RNF149: variants seen among roughly 807,000 people sequenced by gnomAD.
RNF149 encodes ring finger protein 149.
Under a neutral mutation model 39.0 loss-of-function variants are expected in RNF149, and 21 were observed. The ratio of observed to expected loss-of-function variants is 0.54; its 90% CI spans 0.38 to 0.77. The LOEUF is 0.77. Among genes scored for constraint, RNF149 ranks in the 30% least tolerant of loss-of-function variants. RNF149 has a pLI of 0.00. For missense variants in RNF149, 493 were observed against 534.9 expected (o/e 0.92, Z 0.77); for synonymous variants, 209 against 213.6 (o/e 0.98, Z 0.19).
chr2:101,299,633 G>C lies in RNF149; in HGVS notation c.461-4452C>G, dbSNP rs115665263. On this transcript the variant is annotated intron_variant, in intron 1 of 6. Transcript: ENST00000295317. Reference sequence around the variant, plus strand: ...AAAGTAGAAAGAATAGTACAACGAAGTCTCATGTTCCCACCTCAGTTAAAA... The same window carrying C: ...AAAGTAGAAAGAATAGTACAACGAACTCTCATGTTCCCACCTCAGTTAAAA... Among the ~76,000 whole-genome samples, 949 of 152,288 alleles carry C rather than the reference G, an allele frequency of 6.2e-3. 4 individuals carry two copies. Among genetic ancestry groups the C allele is most frequent in the African/African-American group, 0.022 (906 of 41,554 alleles).
chr2:101,277,685 G>A (rs942782460), intron 6 of RNF149, among the ~76,000 whole-genome samples: 5 of 152,020 alleles, frequency 3.3e-5, no homozygotes, highest in Non-Finnish European at 7.4e-5. Context: ...CACCGCGCCC[G>A]GCTAACAGAA....
intron 6 of RNF149, among the ~76,000 whole-genome samples, chr2:101,279,277 TATTTCTACCCATGATTTCATG>T (rs1682482191): frequency 2.0e-5 from 3 of 152,352 alleles, no homozygotes; most frequent in South Asian, 2.1e-4. Flanking sequence ...CCACCTTCTT[TATTTCTACCCATGATTTCATG>T]ATTTCTACCC....
chr2:101,294,406 C>G (rs947091812), intron 2 of RNF149: 1 of 245,844 alleles, frequency 4.1e-6, no homozygotes, highest in Non-Finnish European at 7.9e-6. Flanking sequence ...TAAATATTGT[C>G]AAGAAAGTAA....
intron 3 of RNF149, 50 bp from the exon 4 acceptor site, chr2:101,289,105 C>G: frequency 9.3e-7 from 1 of 1,070,560 alleles, no homozygotes; most frequent in Non-Finnish European, 1.4e-6. Context: ...CACAGTATAT[C>G]CCTTGGTAAA....
In RNF149 at chr2:101,288,979, G is replaced by A; in HGVS notation, c.857C>T (p.Pro286Leu). ...FKVKDIIRILPCKHIFHRICI... is the reference protein window; with the variant it reads ...FKVKDIIRILLCKHIFHRICI... Reference sequence around the variant, plus strand: ...ATATGTAAAAAGAACATACTTGCATGGCAGAATTCTAATAATATCCTTTAC... The same window carrying A: ...ATATGTAAAAAGAACATACTTGCATAGCAGAATTCTAATAATATCCTTTAC... Residue 286 changes from proline (P) to leucine (L), a missense_variant, in exon 4 of 7, where the codon CCA (proline) becomes CTA (leucine). By Grantham distance (98) the Pro-to-Leu change is moderately conservative. Transcript: ENST00000295317. The A allele has an allele frequency of 1.3e-6, 2 of 1,522,964 alleles. No individual in the cohort carries two copies. Among genetic ancestry groups the A allele is most frequent in the Non-Finnish European group, 1.8e-6 (2 of 1,100,360 alleles). The allele number at this position is 1,522,964 out of a possible 1,614,324, so 94.3% of individuals were successfully genotyped here.
At chr2:101,305,441 G>A (rs528554721) in intron 1 of RNF149, among the ~76,000 whole-genome samples, 1 of 152,248 alleles carries the variant, frequency 6.6e-6, no homozygotes, top group South Asian at 2.1e-4. Flanking sequence ...CAGTCTAAGT[G>A]GATTCTGTTT....
Position 101,308,428 on chromosome 2 carries a change from G to A in RNF149, c.161C>T (p.Thr54Met), listed in dbSNP as rs763678069. 2.5e-6 allele frequency: 4 copies of A among 1,611,518 alleles called. No individual in the cohort carries two copies. The highest frequency in any genetic ancestry group is 3.4e-6 in the Non-Finnish European group (4 of 1,179,356). ...GCCACTCTCCGAGACGCTCCACACC[G>A]TCAGGTTGGTCTGCGGGTCCACGTA... ...IEYVDPQTNLTVWSVSESGRF... is the reference protein window; with the variant it reads ...IEYVDPQTNLMVWSVSESGRF... Residue 54 changes from threonine (T) to methionine (M), a missense_variant, in exon 1 of 7, where the codon ACG (threonine) becomes ATG (methionine). By Grantham distance (81) the Thr-to-Met change is moderately conservative (BLOSUM62 -1). Transcript: ENST00000295317.
chr2:101,296,971 G>A (rs1225217876), intron 1 of RNF149, among the ~76,000 whole-genome samples: 1 of 152,204 alleles, frequency 6.6e-6, no homozygotes, highest in African/African-American at 2.4e-5. Context: ...CACTTTGGGA[G>A]GCTGAGGCGG....
chr2:101,308,271 G>C lies in RNF149; in HGVS notation c.318C>G (p.Ala106=). The C allele has an allele frequency of 6.3e-7, 1 of 1,577,926 alleles. No homozygotes were observed. Among genetic ancestry groups the C allele is most frequent in the Non-Finnish European group, 8.6e-7 (1 of 1,164,268 alleles). Reference sequence around the variant, plus strand: ...GAGCCACCAGGGCGACCCAGGGCGCGGCCCCTCGGCCGCCGGGCTCGGGCA... The same window carrying C: ...GAGCCACCAGGGCGACCCAGGGCGCCGCCCCTCGGCCGCCGGGCTCGGGCA... The part of the protein sequence containing the change: ...FFVPEPGGRG[A]APWVALVARG... The change falls in exon 1 of 7, where the codon GCC becomes GCG. Residue 106 remains alanine (A), a synonymous_variant. Coordinates refer to ENST00000295317, the MANE Select transcript of RNF149 (RefSeq NM_173647.4).
At chr2:101,277,881 T>C (rs779125400) in intron 6 of RNF149, among the ~76,000 whole-genome samples, 1 of 152,034 alleles carries the variant, frequency 6.6e-6, no homozygotes, top group African/African-American at 2.4e-5. Context: ...TTCCCAAAAG[T>C]TGAACAAGTA....
At chr2:101,281,575 C>G in intron 6 of RNF149, 1 of 378,064 alleles carries the variant, frequency 2.6e-6, no homozygotes, top group Non-Finnish European at 4.9e-6. Context: ...GATCATAGCT[C>G]ACTGCAGCCT....
chr2:101,305,061 A>T (rs1683603906), intron 1 of RNF149, among the ~76,000 whole-genome samples: 1 of 151,856 alleles, frequency 6.6e-6, no homozygotes, highest in Non-Finnish European at 1.5e-5. Flanking sequence ...GGCTGGTCTC[A>T]ATTTCTTGAC....
downstream of RNF149, chr2:101,273,468 ATT>A: frequency 1.4e-5 from 5 of 363,082 alleles, 1 homozygote; most frequent in Admixed American, 1.9e-4. Flanking sequence ...CTCTTGTAAT[ATT>A]TGTTTCTTTT....
intron 3 of RNF149, among the ~76,000 whole-genome samples, chr2:101,290,875 T>C (rs1254935086): frequency 8.7e-6 from 1 of 114,546 alleles, no homozygotes; most frequent in South Asian, 2.8e-4. Flanking sequence ...GGCTAACCCC[T>C]GGATCTACAC....
intron 1 of RNF149, 143 bp downstream of exon 1, chr2:101,307,986 G>A (rs1683742366): frequency 1.7e-5 from 24 of 1,434,808 alleles, no homozygotes; most frequent in East Asian, 2.7e-5. Flanking sequence ...GCAAACGAGG[G>A]CTTCCCTGAA....
intron 3 of RNF149, among the ~76,000 whole-genome samples, chr2:101,293,235 C>T (rs1307966858): frequency 6.6e-6 from 1 of 151,982 alleles, no homozygotes; most frequent in Admixed American, 6.6e-5. Flanking sequence ...TGCATGTACT[C>T]TTTCTTTCTG....
In RNF149 at chr2:101,281,980, T is replaced by G. The variant is rs1401096713; in HGVS notation, c.1038A>C (p.Leu346=). 6.2e-7 allele frequency: 1 copy of G among 1,613,960 alleles called. No homozygotes were observed. The highest frequency in any genetic ancestry group is 1.3e-5 in the African/African-American group (1 of 74,890). Reference sequence around the variant, plus strand: ...CACTTCCGTCATCATCTGGTAAAGCTAGACTCAAATTTGCAGCTGGATCCC... The same window carrying G: ...CACTTCCGTCATCATCTGGTAAAGCGAGACTCAAATTTGCAGCTGGATCCC... The part of the protein sequence containing the change: ...PGRDPAANLS[L]ALPDDDGSDD... Residue 346 remains leucine (L), a synonymous_variant, in exon 6 of 7, where the codon CTA becomes CTC. Coordinates refer to ENST00000295317, the MANE Select transcript of RNF149 (RefSeq NM_173647.4).
chr2:101,275,111 G>GTTTTTTTTTT (rs1165388203), downstream of RNF149, among the ~76,000 whole-genome samples: 45 of 51,056 alleles, frequency 8.8e-4, 2 homozygotes, highest in East Asian at 1.8e-3. Context: ...TAGTATTTCT[G>GTTTTTTTTTT]TTTTTTTTTT....
chr2:101,277,047 A>G lies in RNF149; in HGVS notation c.*191T>C. On this transcript the variant is annotated 3_prime_UTR_variant, in exon 7 of 7. Transcript: ENST00000295317. ...AAACACTCTATTTTAGTAGATAAAT[A>G]TATGAGGACTAATCGAAAAGTCTCT... 7.4e-7 allele frequency: 1 copy of G among 1,351,826 alleles called. No homozygotes were observed. Among genetic ancestry groups the G allele is most frequent in the South Asian group, 1.6e-5 (1 of 63,470 alleles). The allele number at this position is 1,351,826 out of a possible 1,614,324, so 83.7% of individuals were successfully genotyped here.
Sources: allele counts gnomAD v4.1 joint callset (sites outside exome capture counted in the v4.1 genomes callset), GRCh38; gene constraint gnomAD v4.1.1; transcripts MANE v1.5; gene names NCBI Gene and HGNC (gene_info 2026-07-23, HGNC 2026-07-21).